Variants in SLAMF1 observed in about 807,000 individuals in gnomAD.
The protein encoded by SLAMF1 is signaling lymphocytic activation molecule.
In SLAMF1, 18 loss-of-function variants were observed where a neutral mutation model predicts 35.1. The ratio of observed to expected loss-of-function variants is 0.51; its 90% CI spans 0.35 to 0.76. The LOEUF (loss-of-function observed/expected upper bound fraction) is 0.76. SLAMF1 is among the 30% of genes least tolerant of loss of function. SLAMF1 has a pLI of 0.01. For missense variants in SLAMF1, 392 were observed against 413.0 expected (o/e 0.95, Z 0.44); for synonymous variants, 168 against 157.2 (o/e 1.07, Z -0.51).
intron 5 of SLAMF1, among the ~76,000 whole-genome samples, chr1:160,618,045 C>A (rs1487141084): frequency 6.6e-6 from 1 of 152,046 alleles, no homozygotes; most frequent in African/African-American, 2.4e-5. Flanking sequence ...TGCACTCCAG[C>A]CTGGGCGATA....
At chr1:160,628,746 C>G (rs1013247204) in intron 3 of SLAMF1, among the ~76,000 whole-genome samples, 4 of 152,114 alleles carry the variant, frequency 2.6e-5, no homozygotes, top group Non-Finnish European at 4.4e-5. Flanking sequence ...TAAAAATTAC[C>G]AGAAGGAATG....
intron 3 of SLAMF1, among the ~76,000 whole-genome samples, chr1:160,632,494 G>T (rs1660214262): frequency 6.6e-6 from 1 of 152,150 alleles, no homozygotes; most frequent in East Asian, 1.9e-4. Flanking sequence ...GCTTAGATGG[G>T]TAAGTCCATC....
intron 1 of SLAMF1, among the ~76,000 whole-genome samples, chr1:160,638,751 T>G (rs1036932887): frequency 6.6e-6 from 1 of 152,196 alleles, no homozygotes; most frequent in Non-Finnish European, 1.5e-5. Flanking sequence ...GTCAAAGTTC[T>G]TATCTTACTT....
At chr1:160,646,400 A>T (rs1447342967) in intron 1 of SLAMF1, among the ~76,000 whole-genome samples, 2 of 152,100 alleles carry the variant, frequency 1.3e-5, no homozygotes, top group Non-Finnish European at 2.9e-5. Context: ...ACTCTAGCCA[A>T]TGCTTTCTGT....
At chr1:160,623,388 T>C in intron 4 of SLAMF1, 1 of 394,866 alleles carries the variant, frequency 2.5e-6, no homozygotes. Flanking sequence ...AAAACCAACA[T>C]CAGAGTGCTG....
Position 160,624,143 on chromosome 1 carries a change from A to G in SLAMF1, c.743T>C (p.Val248Ala). Residue 248 changes from valine (V) to alanine (A), a missense_variant, in exon 4 of 7, where the codon GTC (valine) becomes GCC (alanine). Physicochemically the swap from Val to Ala is moderately conservative, Grantham distance 64. Coordinates refer to ENST00000302035, the MANE Select transcript of SLAMF1 (RefSeq NM_003037.5). ...WAVYAGLLGGVIMILIMVVIL... is the reference protein window; with the variant it reads ...WAVYAGLLGGAIMILIMVVIL... ...TACCACCATGATGAGAATCATGATG[A>G]CACCCCCTAACAGCCCAGCATACAC... is the stretch of plus-strand genomic sequence containing the variant. 1 of 1,611,412 alleles carries G rather than the reference A, an allele frequency of 6.2e-7. No individual in the cohort carries two copies. The highest frequency in any genetic ancestry group is 8.5e-7 in the Non-Finnish European group (1 of 1,179,024).
Position 160,610,296 on chromosome 1 carries a change from T to C in SLAMF1, c.*452A>G, listed in dbSNP as rs766766145. On this transcript the variant is annotated 3_prime_UTR_variant, in exon 7 of 7. Transcript: ENST00000302035. ...GCTTGATCAGGTCTGCAGGTTATCATGATCAGCTCCCAGAACAAAGTAAAG... is the reference window on the plus strand; with the variant it reads ...GCTTGATCAGGTCTGCAGGTTATCACGATCAGCTCCCAGAACAAAGTAAAG... The C allele has an allele frequency of 3.7e-5, 17 of 456,866 alleles. No individual in the cohort carries two copies. Among genetic ancestry groups the C allele is most frequent in the Non-Finnish European group, 5.3e-5 (12 of 227,128 alleles). 28.3% of individuals were successfully genotyped at this position (456,866 alleles called of 1,614,324 possible).
chr1:160,639,207 T>A (rs1208379480), intron 1 of SLAMF1, among the ~76,000 whole-genome samples: 1 of 152,170 alleles, frequency 6.6e-6, no homozygotes, highest in African/African-American at 2.4e-5. Context: ...ATTCCTTTCT[T>A]TCTCGCATAC....
chr1:160,633,523 A>C (rs1558011466), intron 3 of SLAMF1, among the ~76,000 whole-genome samples: 1 of 152,266 alleles, frequency 6.6e-6, no homozygotes, highest in East Asian at 1.9e-4. Context: ...CTCCACATGG[A>C]CACCATGGCT....
intron 3 of SLAMF1, among the ~76,000 whole-genome samples, chr1:160,625,378 G>A (rs1035396388): frequency 4.6e-5 from 7 of 152,068 alleles, no homozygotes; most frequent in Admixed American, 2.6e-4. Flanking sequence ...AAAAATAGTC[G>A]GGTTCCAAAG....
At chr1:160,614,033 G>A (rs2102263446) in intron 5 of SLAMF1, among the ~76,000 whole-genome samples, 1 of 152,306 alleles carries the variant, frequency 6.6e-6, no homozygotes, top group Admixed American at 6.5e-5. Flanking sequence ...AGCAGGGCCT[G>A]ATTCTGCATT....
chr1:160,641,698 C>A (rs1273338603), intron 1 of SLAMF1, among the ~76,000 whole-genome samples: 1 of 152,008 alleles, frequency 6.6e-6, no homozygotes, highest in Non-Finnish European at 1.5e-5. Flanking sequence ...CTTGAGATCA[C>A]CCTCACATAA....
intron 3 of SLAMF1, among the ~76,000 whole-genome samples, chr1:160,627,575 C>T (rs1659945927): frequency 6.6e-6 from 1 of 152,156 alleles, no homozygotes; most frequent in Non-Finnish European, 1.5e-5. Flanking sequence ...GGTGCTCATC[C>T]ATTTGTTGCT....
intron 5 of SLAMF1, 35 bp from the exon 6 acceptor site, chr1:160,612,615 CAG>C (rs1384975668): frequency 7.7e-7 from 1 of 1,306,006 alleles, no homozygotes; most frequent in Non-Finnish European, 1.1e-6. Context: ...ATTAGCTGAA[CAG>C]AGAGAGCTAG....
At chr1:160,616,383 T>TAAAA (rs5778171) in intron 5 of SLAMF1, among the ~76,000 whole-genome samples, 1 of 148,362 alleles carries the variant, frequency 6.7e-6, no homozygotes, top group East Asian at 1.9e-4. Context: ...AGTGCCTTCT[T>TAAAA]AAAAAAAAAA....
At chr1:160,614,800 T>G (rs1169785684) in intron 5 of SLAMF1, among the ~76,000 whole-genome samples, 1 of 152,186 alleles carries the variant, frequency 6.6e-6, no homozygotes, top group African/African-American at 2.4e-5. Context: ...ACTTCAGGAT[T>G]TTTATCCAGG....
intron 3 of SLAMF1, among the ~76,000 whole-genome samples, chr1:160,626,819 A>T (rs1659908095): frequency 6.6e-6 from 1 of 152,062 alleles, no homozygotes; most frequent in Non-Finnish European, 1.5e-5. Flanking sequence ...TCCTCCATCC[A>T]ACACATGCTC....
intron 1 of SLAMF1, among the ~76,000 whole-genome samples, chr1:160,638,373 G>A (rs1660562862): frequency 6.6e-6 from 1 of 152,144 alleles, no homozygotes; most frequent in Non-Finnish European, 1.5e-5. Context: ...CTGGATGGAT[G>A]GTCTACATTC....
In SLAMF1 at chr1:160,610,266, C is replaced by T. The variant is rs1430334345; in HGVS notation, c.*482G>A. 4 of 456,608 alleles carry T rather than the reference C, an allele frequency of 8.8e-6. No individual in the cohort carries two copies. Among genetic ancestry groups the T allele is most frequent in the Non-Finnish European group, 1.8e-5 (4 of 227,008 alleles). The allele number at this position is 456,608 out of a possible 1,614,324, so 28.3% of individuals were successfully genotyped here. A position where few individuals can be genotyped will look rare whatever the true frequency, so the allele number is the denominator to read the frequency against. ...TTATCCTGAGAGAGAAACTGAGGCA[C>T]AGAGGCTTGATCAGGTCTGCAGGTT... is the stretch of plus-strand genomic sequence containing the variant. On this transcript the variant is annotated 3_prime_UTR_variant, in exon 7 of 7. Transcript: ENST00000302035.
Sources: gnomAD v4.1 joint callset for allele counts (sites outside exome capture counted in the v4.1 genomes callset) on GRCh38, gnomAD v4.1.1 for gene constraint, MANE v1.5 for transcripts, NCBI Gene and HGNC (gene_info 2026-07-23, HGNC 2026-07-21) for gene names.